Variants in NIPAL4 observed in about 807,000 individuals in gnomAD.
NIPAL4 encodes magnesium transporter NIPA4.
NIPAL4 carries 21 observed loss-of-function variants against 31.6 expected under a neutral mutation model. The observed-to-expected ratio is 0.67, with a 90% CI of 0.47 to 0.96. NIPAL4 has a LOEUF of 0.96. NIPAL4 is among the 40% of genes least tolerant of loss of function. The probability of loss-of-function intolerance (pLI) is 0.00; values close to 1 mark genes in which losing one functional copy is unlikely to be tolerated. For synonymous variants in NIPAL4, 175 were observed against 211.1 expected (o/e 0.83, Z 1.48); for missense variants, 438 against 508.0 (o/e 0.86, Z 1.32).
At chr5:157,461,737 G>A (rs1244903766) in intron 1 of NIPAL4, among the ~76,000 whole-genome samples, 1 of 152,242 alleles carries the variant, frequency 6.6e-6, no homozygotes, top group African/African-American at 2.4e-5. Flanking sequence ...ACACATGGAT[G>A]TGCCCCAGTG....
Position 157,460,365 on chromosome 5 carries a change from C to G in NIPAL4, c.37+8C>G. On this transcript the variant is annotated splice_region_variant and intron_variant, in intron 1 of 5. Transcript: ENST00000311946. Reference sequence around the variant, plus strand: ...ACACCAGCTGCGAGAACGGTGCGTACGGCAGGGCTGGGGACCAGGCGGGCT... The same window carrying G: ...ACACCAGCTGCGAGAACGGTGCGTAGGGCAGGGCTGGGGACCAGGCGGGCT... The G allele has an allele frequency of 1.3e-6, 2 of 1,542,836 alleles. No homozygotes were observed. Among genetic ancestry groups the G allele is most frequent in the South Asian group, 1.2e-5 (1 of 83,876 alleles).
chr5:157,468,846 A>G (rs1581269780), intron 4 of NIPAL4, 34 bp downstream of exon 4: 1 of 1,424,388 alleles, frequency 7.0e-7, no homozygotes, highest in Non-Finnish European at 9.6e-7. Context: ...CTCTTTTTCT[A>G]TTCCGTTTTC....
intron 1 of NIPAL4, among the ~76,000 whole-genome samples, chr5:157,462,859 T>C (rs1754145295): frequency 6.6e-6 from 1 of 152,252 alleles, no homozygotes; most frequent in Non-Finnish European, 1.5e-5. Context: ...TCTGCCCTTG[T>C]GCCCAGGTTT....
chr5:157,462,301 G>C (rs970704163), intron 1 of NIPAL4, among the ~76,000 whole-genome samples: 2 of 152,096 alleles, frequency 1.3e-5, no homozygotes, highest in Non-Finnish European at 1.5e-5. Context: ...TTTCACCGTA[G>C]CCTCCCATCT....
intron 2 of NIPAL4, among the ~76,000 whole-genome samples, chr5:157,465,219 C>G (rs889904052): frequency 2.6e-5 from 4 of 152,140 alleles, no homozygotes; most frequent in Admixed American, 2.6e-4. Flanking sequence ...AGGCCAGAGA[C>G]CTTCCAGAGT....
chr5:157,460,578 A>C, intron 1 of NIPAL4: 1 of 630,198 alleles, frequency 1.6e-6, no homozygotes, highest in Non-Finnish European at 2.9e-6. Context: ...CAGGGAAGGA[A>C]AGTATGTCCC....
rs748163647 is a variant in NIPAL4 at position 157,467,298 on chromosome 5, C to A, written c.334+193C>A. ...TCAAAGTCAGTCTTCATCCATGAAG[C>A]GTCTACTCCCAGAGAGGTTTGCACA... On this transcript the variant is annotated intron_variant, in intron 3 of 5. Transcript: ENST00000311946. The A allele has an allele frequency of 5.2e-6, 3 of 578,364 alleles. No homozygotes were observed. In the South Asian group the frequency reaches 5.4e-5, roughly 10 times the overall value. The allele number at this position is 578,364 out of a possible 1,614,324, so 35.8% of individuals were successfully genotyped here. A position where few individuals can be genotyped will look rare whatever the true frequency, so the allele number is the denominator to read the frequency against.
chr5:157,465,366 TCA>T (rs1179027315), intron 2 of NIPAL4, among the ~76,000 whole-genome samples: 1 of 152,222 alleles, frequency 6.6e-6, no homozygotes, highest in African/African-American at 2.4e-5. Flanking sequence ...TAAAATGTTC[TCA>T]GAGTTCTTAA....
Position 157,463,458 on chromosome 5 carries a change from T to C in NIPAL4, c.277+125T>C. 4 of 1,157,468 alleles carry C rather than the reference T, an allele frequency of 3.5e-6. No individual in the cohort carries two copies. In the South Asian group the frequency reaches 6.9e-5, roughly 20 times the overall value. The allele number at this position is 1,157,468 out of a possible 1,614,324, so 71.7% of individuals were successfully genotyped here. A position where few individuals can be genotyped will look rare whatever the true frequency, so the allele number is the denominator to read the frequency against. ...GGCTCATTGTCAACCCTATCTGGAA[T>C]CCCACCTGCCAACAGGGTTAGGGTT... is the stretch of plus-strand genomic sequence containing the variant. On this transcript the variant is annotated intron_variant, in intron 2 of 5. Coordinates refer to ENST00000311946, the MANE Select transcript of NIPAL4 (RefSeq NM_001099287.2).
chr5:157,461,978 G>C (rs552573486), intron 1 of NIPAL4, among the ~76,000 whole-genome samples: 4 of 152,334 alleles, frequency 2.6e-5, no homozygotes, highest in African/African-American at 9.6e-5. Context: ...AGAGTTGCTT[G>C]ACCATGGACT....
In NIPAL4 at chr5:157,463,322, C is replaced by A. The variant is rs1369918258; in HGVS notation, c.266C>A (p.Ala89Asp). The change falls in exon 2 of 6, where the codon GCC becomes GAC. Residue 89 changes from alanine to aspartate, a missense_variant. Transcript: ENST00000311946. ...CTCTTGCGACTCGTGGCCACGGGAG[C>A]CACTCGAGCTGGTAGGTTCCTGGGC... The part of the protein sequence containing the change: ...KGLLRLVATG[A>D]TRAVDGGFGY... 1 of 1,609,668 alleles carries A rather than the reference C, an allele frequency of 6.2e-7. No homozygotes were observed. Among genetic ancestry groups the A allele is most frequent in the Non-Finnish European group, 8.5e-7 (1 of 1,177,152 alleles).
intron 5 of NIPAL4, among the ~76,000 whole-genome samples, 162 bp downstream of exon 5, chr5:157,471,979 G>A (rs1167229676): frequency 6.6e-6 from 1 of 152,160 alleles, no homozygotes; most frequent in East Asian, 1.9e-4. Flanking sequence ...TGTTAGCAAG[G>A]CTAGCTTAAA....
rs118150262 is a variant in NIPAL4, at chr5:157,466,576, G to A, written c.278-473G>A. ...GTGCCTTCGTGTAGCAGGTGGCAGCGGAGTGGACACATGCGAGATCTTTTT... is the reference window on the plus strand; with the variant it reads ...GTGCCTTCGTGTAGCAGGTGGCAGCAGAGTGGACACATGCGAGATCTTTTT... On this transcript the variant is annotated intron_variant, in intron 2 of 5. Transcript: ENST00000311946. Among the ~76,000 whole-genome samples, 31 of 152,312 alleles carry A rather than the reference G, an allele frequency of 2.0e-4. No homozygotes were observed. In the East Asian group the frequency reaches 5.4e-3, roughly 27 times the overall value.
chr5:157,467,172 G>A, intron 3 of NIPAL4, 67 bp downstream of exon 3: 2 of 1,022,290 alleles, frequency 2.0e-6, no homozygotes, highest in Admixed American at 3.6e-5. Flanking sequence ...AAAGGGAGGG[G>A]TGGGTAGGGC....
Position 157,468,820 on chromosome 5 carries a change from TC to T in NIPAL4, c.425+12del. The T allele has an allele frequency of 6.4e-7, 1 of 1,572,288 alleles. No individual in the cohort carries two copies. The highest frequency in any genetic ancestry group is 8.7e-7 in the Non-Finnish European group (1 of 1,148,164). On this transcript the variant is annotated intron_variant, in intron 4 of 5. Transcript: ENST00000311946. Reference sequence around the variant, plus strand: ...GCTGAGTGTCCTCATAAGGTTATTGTCCCCTCTCTAGCTCTCTCTTTTTCTA... The same window carrying T: ...GCTGAGTGTCCTCATAAGGTTATTGTCCCTCTCTAGCTCTCTCTTTTTCTA...
intron 1 of NIPAL4, among the ~76,000 whole-genome samples, chr5:157,461,867 A>G (rs544440693): frequency 5.9e-5 from 9 of 152,288 alleles, no homozygotes; most frequent in Admixed American, 5.9e-4. Flanking sequence ...AGGGCTCTTC[A>G]AGCTCTGTTA....
At chr5:157,469,465 C>T (rs575933618) in intron 4 of NIPAL4, among the ~76,000 whole-genome samples, 4 of 152,196 alleles carry the variant, frequency 2.6e-5, no homozygotes, top group African/African-American at 9.7e-5. Flanking sequence ...AGAGGTTAAG[C>T]AACTTGGCCA....
In NIPAL4 at chr5:157,468,815, T is replaced by C; in HGVS notation, c.425+3T>C. 2 of 1,580,918 alleles carry C rather than the reference T, an allele frequency of 1.3e-6. No individual in the cohort carries two copies. Among genetic ancestry groups the C allele is most frequent in the Non-Finnish European group, 1.7e-6 (2 of 1,155,238 alleles). ...GGAGCGCTGAGTGTCCTCATAAGGT[T>C]ATTGTCCCCTCTCTAGCTCTCTCTT... On this transcript the variant is annotated splice_donor_region_variant and intron_variant, in intron 4 of 5. Coordinates refer to ENST00000311946, the MANE Select transcript of NIPAL4 (RefSeq NM_001099287.2).
At position 157,471,751 on chromosome 5, in the gene NIPAL4, A is replaced by T. The variant is rs1754442368; in HGVS notation, c.520A>T (p.Ile174Leu). 1 of 1,605,034 alleles carries T rather than the reference A, an allele frequency of 6.2e-7. No homozygotes were observed. The highest frequency in any genetic ancestry group is 8.5e-7 in the Non-Finnish European group (1 of 1,175,596). Residue 174 changes from isoleucine (I) to leucine (L), a missense_variant, in exon 5 of 6, where the codon ATA (isoleucine) becomes TTA (leucine). Ile to Leu is a conservative substitution (Grantham distance 5). Coordinates refer to ENST00000311946, the MANE Select transcript of NIPAL4 (RefSeq NM_001099287.2). ...ICVAGSTVMV[I>L]HAPEEEKVTT... is the part of the protein sequence containing the mutation. Reference sequence around the variant, plus strand: ...TGTGGCCGGAAGCACAGTGATGGTGATACATGCTCCTGAGGAAGAGAAGGT... The same window carrying T: ...TGTGGCCGGAAGCACAGTGATGGTGTTACATGCTCCTGAGGAAGAGAAGGT...
Sources: allele counts gnomAD v4.1 joint callset (sites outside exome capture counted in the v4.1 genomes callset), GRCh38; gene constraint gnomAD v4.1.1; transcripts MANE v1.5; gene names NCBI Gene and HGNC (gene_info 2026-07-23, HGNC 2026-07-21).